The following SHLD1 variants were observed in gnomAD, a reference collection of about 807,000 sequenced individuals.
SHLD1 encodes shieldin complex subunit 1.
Under a neutral mutation model 5.5 loss-of-function variants are expected in SHLD1, and 3 were observed. The ratio of observed to expected loss-of-function variants is 0.54; its 90% CI spans 0.25 to 1.40. The LOEUF (loss-of-function observed/expected upper bound fraction) is 1.40. Ranked by LOEUF, SHLD1 falls within the 40% of genes most tolerant of loss-of-function variation. The pLI is 0.15. For missense variants in SHLD1, 210 were observed against 244.4 expected, an observed-to-expected ratio of 0.86 and a Z score of 0.94; for synonymous variants, 92 against 94.3, an observed-to-expected ratio of 0.98 and a Z score of 0.14.
At chr20:5,797,149 C>G (rs1410804022) in intron 2 of SHLD1, among the ~76,000 whole-genome samples, 5 of 152,012 alleles carry the variant, frequency 3.3e-5, no homozygotes, top group South Asian at 4.2e-4. Context: ...AACTACTCTT[C>G]TTGATGAAAT....
intron 2 of SHLD1, among the ~76,000 whole-genome samples, chr20:5,821,616 C>A (rs983526976): frequency 6.6e-6 from 1 of 150,644 alleles, no homozygotes; most frequent in Non-Finnish European, 1.5e-5. Flanking sequence ...TTCTGGAAAA[C>A]TCAAACATCG....
At chr20:5,795,923 C>G (rs1468915824) in intron 2 of SHLD1, among the ~76,000 whole-genome samples, 2 of 151,240 alleles carry the variant, frequency 1.3e-5, no homozygotes, top group Non-Finnish European at 2.9e-5. Context: ...ACCCGGGAGG[C>G]AGAGCTTGCA....
chr20:5,798,315 T>C (rs898705614), intron 2 of SHLD1, among the ~76,000 whole-genome samples: 5 of 152,096 alleles, frequency 3.3e-5, no homozygotes, highest in Non-Finnish European at 7.4e-5. Context: ...TTCTCTTTTT[T>C]TTTTTTTGAG....
intron 2 of SHLD1, among the ~76,000 whole-genome samples, chr20:5,816,803 C>T: frequency 6.6e-6 from 1 of 152,228 alleles, no homozygotes; most frequent in East Asian, 1.9e-4. Flanking sequence ...GGCGCAGTAG[C>T]TCACACCTGT....
At chr20:5,809,770 CG>C (rs1417967001) in intron 2 of SHLD1, among the ~76,000 whole-genome samples, 3 of 151,948 alleles carry the variant, frequency 2.0e-5, no homozygotes, top group Non-Finnish European at 4.4e-5. Context: ...GACATATAGT[CG>C]GGAGAGGCCA....
At chr20:5,756,576 TATGA>T (rs1368584080) in intron 1 of SHLD1, 3 of 156,460 alleles carry the variant, frequency 1.9e-5, no homozygotes, top group African/African-American at 7.2e-5. Flanking sequence ...CATACATAAA[TATGA>T]ATGATTTTTC....
chr20:5,782,977 G>A (rs1268938567), intron 2 of SHLD1, among the ~76,000 whole-genome samples: 1 of 152,170 alleles, frequency 6.6e-6, no homozygotes, highest in East Asian at 1.9e-4. Flanking sequence ...TTTTATAGTT[G>A]CATTAAGTGA....
intron 2 of SHLD1, among the ~76,000 whole-genome samples, chr20:5,838,715 T>C (rs1362968264): frequency 6.6e-6 from 1 of 152,132 alleles, no homozygotes; most frequent in African/African-American, 2.4e-5. Flanking sequence ...GAGGCAGAGG[T>C]TGCAGTGAGC....
chr20:5,758,412 TA>T (rs1185618533), intron 1 of SHLD1, among the ~76,000 whole-genome samples: 3 of 123,960 alleles, frequency 2.4e-5, no homozygotes, highest in African/African-American at 5.5e-5. Flanking sequence ...GGCCAAGTAT[TA>T]TTTTTTTTTA....
At chr20:5,767,003 C>G (rs1269548545) in intron 1 of SHLD1, among the ~76,000 whole-genome samples, 2 of 152,146 alleles carry the variant, frequency 1.3e-5, no homozygotes, top group African/African-American at 4.8e-5. Context: ...TGGATATTGC[C>G]TCCTCTGAAA....
At chr20:5,752,388 T>TC (rs1179781303) in intron 1 of SHLD1, among the ~76,000 whole-genome samples, 28 of 132,220 alleles carry the variant, frequency 2.1e-4, no homozygotes, top group African/African-American at 8.7e-4. Context: ...AGAGTGAGAC[T>TC]CCATCTCAAA....
At chr20:5,826,719 G>A (rs2087669764) in intron 2 of SHLD1, among the ~76,000 whole-genome samples, 1 of 152,106 alleles carries the variant, frequency 6.6e-6, no homozygotes, top group South Asian at 2.1e-4. Flanking sequence ...TTACTAGTTT[G>A]GGATGTTGAC....
chr20:5,838,750 C>T (rs1401687829), intron 2 of SHLD1, among the ~76,000 whole-genome samples: 3 of 152,046 alleles, frequency 2.0e-5, no homozygotes, highest in East Asian at 3.8e-4. Context: ...TGCACTCCAG[C>T]CTGGGTGACG....
Position 5,786,307 on chromosome 20 carries a change from T to C in SHLD1, c.178+13264T>C, listed in dbSNP as rs562627052. Among the ~76,000 whole-genome samples the C allele has an allele frequency of 7.9e-5, 12 of 152,334 alleles. No homozygotes were observed. The South Asian group carries it at 1.9e-3, about 24-fold the overall frequency. ...AAAGAAATTATCTGGCTGGGTGCAG[T>C]GGCTCACCCTTGTGATCCCAGCACT... On this transcript the variant is annotated intron_variant, in intron 2 of 2. Transcript: ENST00000303142.
intron 1 of SHLD1, among the ~76,000 whole-genome samples, chr20:5,764,566 T>A (rs1161876577): frequency 6.7e-6 from 1 of 149,544 alleles, no homozygotes; most frequent in Non-Finnish European, 1.5e-5. Context: ...AAGTATGGTG[T>A]CTCATGCCTG....
At chr20:5,776,529 G>A (rs1045368278) in intron 2 of SHLD1, among the ~76,000 whole-genome samples, 5 of 152,016 alleles carry the variant, frequency 3.3e-5, no homozygotes, top group Admixed American at 1.3e-4. Context: ...TTGGGAGGCC[G>A]AGGCGGGTGC....
intron 1 of SHLD1, among the ~76,000 whole-genome samples, chr20:5,761,903 C>A (rs1004214719): frequency 1.3e-5 from 2 of 151,920 alleles, no homozygotes; most frequent in Non-Finnish European, 2.9e-5. Context: ...CCACTGCACC[C>A]GGCCTCATGT....
At chr20:5,795,787 C>T (rs2087203783) in intron 2 of SHLD1, among the ~76,000 whole-genome samples, 1 of 151,610 alleles carries the variant, frequency 6.6e-6, no homozygotes, top group African/African-American at 2.4e-5. Context: ...CGAGACCATC[C>T]TGGCTAACAC....
intron 2 of SHLD1, among the ~76,000 whole-genome samples, chr20:5,862,303 A>C (rs964238432): frequency 6.6e-6 from 1 of 152,244 alleles, no homozygotes; most frequent in Non-Finnish European, 1.5e-5. Context: ...AGGTGACTTA[A>C]GAGTGTATGT....
Sources: gnomAD v4.1 joint callset for allele counts (sites outside exome capture counted in the v4.1 genomes callset) on GRCh38, gnomAD v4.1.1 for gene constraint, MANE v1.5 for transcripts, NCBI Gene and HGNC (gene_info 2026-07-23, HGNC 2026-07-21) for gene names.